CNTN4: variants seen among roughly 807,000 people sequenced by gnomAD.
CNTN4 encodes the protein contactin-4.
Under a neutral mutation model 122.5 loss-of-function variants are expected in CNTN4, and 77 were observed. The ratio of observed to expected loss-of-function variants is 0.63; its 90% CI spans 0.52 to 0.76. The LOEUF (loss-of-function observed/expected upper bound fraction) is 0.76. CNTN4 is among the 30% of genes least tolerant of loss of function. The pLI, the probability that CNTN4 is intolerant of heterozygous loss-of-function variation, is 0.00. For missense variants in CNTN4, 1,256 were observed against 1,259.1 expected (o/e 1.00, Z 0.04); for synonymous variants, 512 against 447.0 (o/e 1.15, Z -1.83).
intron 14 of CNTN4, among the ~76,000 whole-genome samples, chr3:3,025,486 G>T (rs893510005): frequency 2.6e-5 from 4 of 151,970 alleles, no homozygotes; most frequent in African/African-American, 9.7e-5. Flanking sequence ...AAGGAAAATC[G>T]TATTTGTCTC....
At chr3:2,175,484 A>T (rs1398932996) in intron 2 of CNTN4, among the ~76,000 whole-genome samples, 1 of 152,238 alleles carries the variant, frequency 6.6e-6, no homozygotes, top group Non-Finnish European at 1.5e-5. Context: ...ATATTTGTGT[A>T]GAAATTTTAT....
At chr3:2,181,918 G>A (rs575655274) in intron 2 of CNTN4, among the ~76,000 whole-genome samples, 1 of 152,116 alleles carries the variant, frequency 6.6e-6, no homozygotes, top group African/African-American at 2.4e-5. Context: ...AATTTTAGGT[G>A]GTGATCTATA....
chr3:2,890,066 G>A (rs2094021396), intron 10 of CNTN4, among the ~76,000 whole-genome samples: 1 of 152,210 alleles, frequency 6.6e-6, no homozygotes, highest in Non-Finnish European at 1.5e-5. Context: ...AGATAACTCA[G>A]CCTTAGCTCA....
At chr3:2,805,776 A>T (rs1191679745) in intron 6 of CNTN4, among the ~76,000 whole-genome samples, 1 of 152,196 alleles carries the variant, frequency 6.6e-6, no homozygotes, top group African/African-American at 2.4e-5. Context: ...TGAAAACTCA[A>T]GTCCCTTGAT....
At chr3:2,611,660 A>G (rs79619128) in intron 4 of CNTN4, among the ~76,000 whole-genome samples, 44 of 152,204 alleles carry the variant, frequency 2.9e-4, no homozygotes, top group Middle Eastern at 6.8e-3. Flanking sequence ...CAATGCATGG[A>G]TGGAATACAG....
chr3:2,108,165 CTTTTTTT>C (rs55760208), intron 2 of CNTN4, among the ~76,000 whole-genome samples: 4 of 124,054 alleles, frequency 3.2e-5, no homozygotes, highest in African/African-American at 1.2e-4. Flanking sequence ...TGTGCCTTTT[CTTTTTTT>C]TTTTTTTTTT....
At chr3:2,450,774 A>C (rs1466318944) in intron 3 of CNTN4, among the ~76,000 whole-genome samples, 1 of 152,238 alleles carries the variant, frequency 6.6e-6, no homozygotes, top group African/African-American at 2.4e-5. Flanking sequence ...ACTTGTCCCC[A>C]AGAAGAGTCA....
intron 2 of CNTN4, among the ~76,000 whole-genome samples, chr3:2,273,283 C>A (rs1175388531): frequency 6.6e-6 from 1 of 152,098 alleles, no homozygotes; most frequent in Non-Finnish European, 1.5e-5. Flanking sequence ...TTATAGTTGA[C>A]CCCACGTGTA....
chr3:2,623,893 AAAAAC>A (rs1237606247), intron 4 of CNTN4, among the ~76,000 whole-genome samples: 2 of 152,210 alleles, frequency 1.3e-5, no homozygotes, highest in African/African-American at 4.8e-5. Flanking sequence ...ACACATAGAA[AAAAAC>A]AAAACAAAAC....
In CNTN4 at chr3:2,487,752, G is replaced by A. The variant is rs959820467; in HGVS notation, c.-88-83664G>A. 2.0e-5 allele frequency among the ~76,000 whole-genome samples: 3 copies of A among 152,274 alleles called. No individual in the cohort carries two copies. The South Asian group carries it at 6.2e-4, about 32-fold the overall frequency. On this transcript the variant is annotated intron_variant, in intron 3 of 24. Coordinates refer to ENST00000418658, the MANE Select transcript of CNTN4 (RefSeq NM_175607.3). ...TACCTTTGTAATTTTTGAAATACAT[G>A]AGAAACTGTCGTTTACGCTTTCCTT...
Position 2,551,545 on chromosome 3 carries a change from C to G in CNTN4, c.-88-19871C>G, listed in dbSNP as rs1273835516. ...GAGTGAATGGAATGATTTTCATCAC[C>G]TTAATACTTTGTAATGATCATGAAA... On this transcript the variant is annotated intron_variant, in intron 3 of 24. Coordinates refer to ENST00000418658, the MANE Select transcript of CNTN4 (RefSeq NM_175607.3). Among the ~76,000 whole-genome samples the G allele has an allele frequency of 3.1e-4, 47 of 151,896 alleles. 2 individuals carry two copies. Among genetic ancestry groups the G allele is most frequent in the Admixed American group, 3.1e-3 (47 of 15,228 alleles).
intron 13 of CNTN4, among the ~76,000 whole-genome samples, chr3:2,954,915 T>C (rs1270121488): frequency 6.6e-6 from 1 of 152,164 alleles, no homozygotes; most frequent in African/African-American, 2.4e-5. Flanking sequence ...AAATATGTTA[T>C]AAAACTAATG....
chr3:2,607,568 T>C (rs1034472104), intron 4 of CNTN4, among the ~76,000 whole-genome samples: 4 of 121,678 alleles, frequency 3.3e-5, no homozygotes, highest in African/African-American at 1.1e-4. Context: ...TTATATATAT[T>C]TTAGAAATAC....
At chr3:2,576,363 C>A (rs1439379765) in intron 4 of CNTN4, among the ~76,000 whole-genome samples, 5 of 152,098 alleles carry the variant, frequency 3.3e-5, no homozygotes, top group Non-Finnish European at 7.4e-5. Flanking sequence ...ACCCCGGGTG[C>A]TTTGTAGTCA....
intron 6 of CNTN4, among the ~76,000 whole-genome samples, chr3:2,793,899 G>A (rs1390523590): frequency 6.6e-6 from 1 of 152,026 alleles, no homozygotes; most frequent in East Asian, 1.9e-4. Context: ...CTTTGAGAAT[G>A]AATCACTCAA....
chr3:2,732,357 G>A (rs898129669), intron 4 of CNTN4, among the ~76,000 whole-genome samples: 1 of 152,156 alleles, frequency 6.6e-6, no homozygotes, highest in African/African-American at 2.4e-5. Context: ...AGCATGGCAT[G>A]ATAATAATGC....
At chr3:2,682,107 G>A (rs9850739) in intron 4 of CNTN4, among the ~76,000 whole-genome samples, 58,539 of 152,046 alleles carry the variant, frequency 0.39, 12,320 homozygotes, top group African/African-American at 0.55. Flanking sequence ...CAAAGCCATT[G>A]ATAAGTGTTG....
rs369121213 is a variant in CNTN4, at chr3:2,916,973, C to G, written c.1208-8656C>G. Among the ~76,000 whole-genome samples the G allele has an allele frequency of 2.3e-3, 309 of 132,654 alleles. 4 individuals carry two copies. The highest frequency in any genetic ancestry group is 3.9e-3 in the Non-Finnish European group (237 of 61,102). 87.0% of individuals were successfully genotyped at this position (132,654 alleles called of 152,430 possible). Reference sequence around the variant, plus strand: ...GGCGGCTGGGAGGTGGAGGTTGCAGCGAGCCGAGATCACGCCACTGCACTC... The same window carrying G: ...GGCGGCTGGGAGGTGGAGGTTGCAGGGAGCCGAGATCACGCCACTGCACTC... On this transcript the variant is annotated intron_variant, in intron 12 of 24. Transcript: ENST00000418658.
At chr3:3,031,638 G>C (rs1699176474) in intron 16 of CNTN4, among the ~76,000 whole-genome samples, 1 of 152,096 alleles carries the variant, frequency 6.6e-6, no homozygotes, top group Non-Finnish European at 1.5e-5. Context: ...CACCAAACCG[G>C]TTGGCAAAGG....
Sources: allele counts gnomAD v4.1 joint callset (sites outside exome capture counted in the v4.1 genomes callset), GRCh38; gene constraint gnomAD v4.1.1; transcripts MANE v1.5; gene names NCBI Gene and HGNC (gene_info 2026-07-23, HGNC 2026-07-21).